FOXP2: variants seen among roughly 807,000 people sequenced by gnomAD.
FOXP2 encodes forkhead box P2, also known as forkhead box protein P2.
A neutral mutation model predicts 115.8 loss-of-function variants in FOXP2; 12 were observed. That is an observed-to-expected ratio of 0.10 (90% CI 0.07 to 0.17). FOXP2 has a LOEUF of 0.17. FOXP2 is among the 10% of genes least tolerant of loss of function. The pLI, the probability that FOXP2 is intolerant of heterozygous loss-of-function variation, is 1.00. For synonymous variants in FOXP2, 328 were observed against 297.7 expected, an observed-to-expected ratio of 1.10 and a Z score of -1.05; for missense variants, 629 against 843.5, an observed-to-expected ratio of 0.75 and a Z score of 3.15.
chr7:114,127,559 C>A (rs1165155214), intron 1 of FOXP2, among the ~76,000 whole-genome samples: 7 of 152,090 alleles, frequency 4.6e-5, no homozygotes, highest in Admixed American at 4.6e-4. Flanking sequence ...GATATCACAT[C>A]TTTTTCTTTT....
intron 2 of FOXP2, among the ~76,000 whole-genome samples, chr7:114,313,830 TA>T (rs1244452870): frequency 6.6e-6 from 1 of 151,974 alleles, no homozygotes; most frequent in African/African-American, 2.4e-5. Flanking sequence ...CAAGAAAGGA[TA>T]TATAATTCTA....
In FOXP2 at chr7:114,468,649, C is replaced by T. The variant is rs180782590; in HGVS notation, c.168+41970C>T. Among the ~76,000 whole-genome samples the T allele has an allele frequency of 1.8e-3, 278 of 152,208 alleles. 2 individuals carry two copies. The highest frequency in any genetic ancestry group is 6.1e-3 in the African/African-American group (254 of 41,552). ...ATTCTTTTTAAATCTCAATCATTCC[C>T]TCTTTCAGAAAGAATTTCAAACAAT... is the stretch of plus-strand genomic sequence containing the variant. On this transcript the variant is annotated intron_variant, in intron 2 of 16. Transcript: ENST00000350908.
At chr7:114,387,141 C>G (rs1792473587) in intron 2 of FOXP2, among the ~76,000 whole-genome samples, 1 of 152,160 alleles carries the variant, frequency 6.6e-6, no homozygotes, top group African/African-American at 2.4e-5. Context: ...CTCTCTAATA[C>G]TGCAGGTTTC....
chr7:114,196,662 T>A (rs544068313), intron 1 of FOXP2, among the ~76,000 whole-genome samples: 19 of 152,272 alleles, frequency 1.2e-4, no homozygotes, highest in African/African-American at 4.6e-4. Flanking sequence ...TGGGAACTAC[T>A]GTCAGAAATG....
rs571745843 is a variant in FOXP2 at position 114,664,249 on chromosome 7, T to C, written c.1840-24T>C. On this transcript the variant is annotated intron_variant, in intron 15 of 16. Coordinates refer to ENST00000350908, the MANE Select transcript of FOXP2 (RefSeq NM_014491.4). ...TTTTAAATGCCATTTTGAAAGTTGT[T>C]TTACACAATCTTCATTTCACTAGGC... is the stretch of plus-strand genomic sequence containing the variant. 4.5e-5 allele frequency: 73 copies of C among 1,611,618 alleles called. No homozygotes were observed. The Middle Eastern group carries it at 7.8e-4, about 17-fold the overall frequency.
At chr7:114,378,742 A>T (rs1392721624) in intron 2 of FOXP2, among the ~76,000 whole-genome samples, 1 of 149,814 alleles carries the variant, frequency 6.7e-6, no homozygotes, top group Non-Finnish European at 1.5e-5. Flanking sequence ...AAATAGGGAC[A>T]ATCACAGCCT....
intron 2 of FOXP2, among the ~76,000 whole-genome samples, chr7:114,323,130 A>G (rs1797468874): frequency 6.6e-6 from 1 of 152,122 alleles, no homozygotes; most frequent in South Asian, 2.1e-4. Flanking sequence ...CATGTTTTCT[A>G]CCATCTATGG....
chr7:114,535,492 C>T (rs998967106), intron 3 of FOXP2, among the ~76,000 whole-genome samples: 1 of 151,186 alleles, frequency 6.6e-6, no homozygotes, highest in Admixed American at 6.6e-5. Flanking sequence ...TCTAATAAGG[C>T]AAATTTAGTT....
At chr7:114,665,004 G>C (rs1244503496) in intron 16 of FOXP2, 2 of 153,416 alleles carry the variant, frequency 1.3e-5, no homozygotes, top group Non-Finnish European at 2.9e-5. Context: ...AGGTTTATAA[G>C]TTATATTTTA....
intron 2 of FOXP2, among the ~76,000 whole-genome samples, chr7:114,296,893 T>G (rs1249388389): frequency 6.6e-6 from 1 of 152,214 alleles, no homozygotes; most frequent in Non-Finnish European, 1.5e-5. Context: ...CATTAATCTT[T>G]CTCTTATAAT....
chr7:114,682,366 T>G (rs189139507), intron 16 of FOXP2, among the ~76,000 whole-genome samples: 3 of 152,168 alleles, frequency 2.0e-5, no homozygotes, highest in Non-Finnish European at 4.4e-5. Context: ...TGCATCACGG[T>G]AAATTATATT....
chr7:114,253,045 A>T lies in FOXP2; in HGVS notation c.-101-34974A>T, dbSNP rs150805317. Among the ~76,000 whole-genome samples the T allele has an allele frequency of 2.0e-5, 3 of 152,100 alleles. No homozygotes were observed. The South Asian group carries it at 6.2e-4, about 32-fold the overall frequency. ...TCATTATTTCTGCCTTCATTTCGTT[A>T]TGTACCCAGTAGTCATTCAGGAGCA... On this transcript the variant is annotated intron_variant, in intron 1 of 17. Transcript: ENST00000634411.
At chr7:114,503,678 T>C (rs1797668387) in intron 2 of FOXP2, among the ~76,000 whole-genome samples, 1 of 151,194 alleles carries the variant, frequency 6.6e-6, no homozygotes, top group Admixed American at 6.6e-5. Flanking sequence ...TAAGCCAAAT[T>C]AATCCACCTT....
At chr7:114,542,794 G>GT (rs201884118) in intron 3 of FOXP2, among the ~76,000 whole-genome samples, 3,991 of 138,856 alleles carry the variant, frequency 0.029, 67 homozygotes, top group Middle Eastern at 0.14. Flanking sequence ...TTTGTTTTTT[G>GT]TTTTTTTTTT....
At chr7:114,641,980 A>G (rs1025779455) in intron 6 of FOXP2, among the ~76,000 whole-genome samples, 1 of 151,482 alleles carries the variant, frequency 6.6e-6, no homozygotes, top group Admixed American at 6.6e-5. Flanking sequence ...TCATTTTTGT[A>G]TTTTTAGTAG....
chr7:114,269,937 T>G (rs1735910763), intron 1 of FOXP2, among the ~76,000 whole-genome samples: 2 of 152,202 alleles, frequency 1.3e-5, no homozygotes, highest in Admixed American at 1.3e-4. Context: ...GCCAGGTGCT[T>G]TTCTTAACTG....
chr7:114,534,819 G>C, intron 3 of FOXP2, 113 bp downstream of exon 3: 1 of 789,550 alleles, frequency 1.3e-6, no homozygotes, highest in South Asian at 1.5e-5. Context: ...TGCATATGTA[G>C]GTAATTTTAA....
At chr7:114,673,226 T>C (rs535140819) in intron 16 of FOXP2, among the ~76,000 whole-genome samples, 32 of 152,356 alleles carry the variant, frequency 2.1e-4, no homozygotes, top group African/African-American at 7.0e-4. Flanking sequence ...ATAAGGGTCC[T>C]TAGATCCACA....
At chr7:114,685,274 G>C (rs1355263818) in intron 16 of FOXP2, among the ~76,000 whole-genome samples, 1 of 152,070 alleles carries the variant, frequency 6.6e-6, no homozygotes, top group African/African-American at 2.4e-5. Context: ...GCATACAGTA[G>C]AGTCCTATTT....
Sources: allele counts gnomAD v4.1 joint callset (sites outside exome capture counted in the v4.1 genomes callset), GRCh38; gene constraint gnomAD v4.1.1; transcripts MANE v1.5; gene names NCBI Gene and HGNC (gene_info 2026-07-23, HGNC 2026-07-21).